Variants in MCU observed in about 807,000 individuals in gnomAD.
The protein encoded by MCU is calcium uniporter protein, mitochondrial.
Under a neutral mutation model 45.2 loss-of-function variants are expected in MCU, and 12 were observed. The observed-to-expected ratio is 0.27, with a 90% CI of 0.17 to 0.43. MCU has a LOEUF of 0.43. MCU is among the 20% of genes least tolerant of loss of function. The pLI, the probability that MCU is intolerant of heterozygous loss-of-function variation, is 1.00. For synonymous variants in MCU, 160 were observed against 165.1 expected, an observed-to-expected ratio of 0.97 and a Z score of 0.24; for missense variants, 324 against 436.7, an observed-to-expected ratio of 0.74 and a Z score of 2.30.
intron 1 of MCU, among the ~76,000 whole-genome samples, chr10:72,814,033 A>G (rs1844588183): frequency 1.3e-5 from 2 of 152,168 alleles, no homozygotes; most frequent in Non-Finnish European, 1.5e-5. Context: ...CCCCTAATCT[A>G]ACCTTCTGAA....
chr10:72,716,787 G>A (rs1405200383), intron 1 of MCU, among the ~76,000 whole-genome samples: 1 of 151,878 alleles, frequency 6.6e-6, no homozygotes, highest in Non-Finnish European at 1.5e-5. Context: ...TGAAAGGATC[G>A]CTTGAGCCCA....
chr10:72,843,671 T>C (rs185476488), intron 2 of MCU, among the ~76,000 whole-genome samples: 12 of 152,222 alleles, frequency 7.9e-5, no homozygotes, highest in Non-Finnish European at 1.6e-4. Context: ...ATACAGAGAA[T>C]TGTGGTTGGT....
At chr10:72,863,321 GT>G (rs1487881034) in intron 4 of MCU, among the ~76,000 whole-genome samples, 1 of 152,152 alleles carries the variant, frequency 6.6e-6, no homozygotes, top group Non-Finnish European at 1.5e-5. Context: ...CTGTGATTTT[GT>G]ATTCCCCATT....
intron 1 of MCU, among the ~76,000 whole-genome samples, chr10:72,741,208 C>T (rs1269430926): frequency 6.6e-6 from 1 of 151,438 alleles, no homozygotes; most frequent in African/African-American, 2.4e-5. Context: ...CAAGTGATTC[C>T]CCTGCCTCAG....
chr10:72,823,641 T>C (rs1328333338), intron 1 of MCU, among the ~76,000 whole-genome samples: 1 of 152,234 alleles, frequency 6.6e-6, no homozygotes, highest in African/African-American at 2.4e-5. Context: ...CACCTTGGCA[T>C]GGCTTTGTTA....
intron 6 of MCU, among the ~76,000 whole-genome samples, chr10:72,882,458 G>GA (rs1304202816): frequency 6.6e-6 from 1 of 152,168 alleles, no homozygotes; most frequent in Non-Finnish European, 1.5e-5. Flanking sequence ...ACATCCCTGA[G>GA]AAAGAGAATG....
intron 1 of MCU, among the ~76,000 whole-genome samples, chr10:72,713,318 T>C (rs112147070): frequency 0.019 from 2,883 of 152,312 alleles, 85 homozygotes; most frequent in African/African-American, 0.065. Context: ...TCACTCTTGT[T>C]CTCTAGGCTG....
intron 1 of MCU, among the ~76,000 whole-genome samples, chr10:72,758,852 G>C (rs1843614346): frequency 6.6e-6 from 1 of 152,060 alleles, no homozygotes; most frequent in Admixed American, 6.5e-5. Context: ...TTTTCTATTG[G>C]AAACACAATT....
At chr10:72,762,118 C>T (rs1450655740) in intron 1 of MCU, among the ~76,000 whole-genome samples, 1 of 151,996 alleles carries the variant, frequency 6.6e-6, no homozygotes, top group Non-Finnish European at 1.5e-5. Context: ...CATTTTATAA[C>T]CCTCTAAAAT....
intron 1 of MCU, among the ~76,000 whole-genome samples, chr10:72,720,844 C>T (rs1159682413): frequency 3.9e-5 from 6 of 152,088 alleles, no homozygotes; most frequent in East Asian, 1.9e-4. Context: ...AGATATGTAA[C>T]GTGCATCTAA....
chr10:72,692,363 CGGCGGGCAGGCCGCCGGGG>C (rs1223612041), intron 1 of MCU, 62 bp downstream of exon 1: 1 of 1,148,090 alleles, frequency 8.7e-7, no homozygotes, highest in African/African-American at 1.6e-5. Flanking sequence ...TGGGAGCCGC[CGGCGGGCAGGCCGCCGGGG>C]CAGCAGGCGA....
At chr10:72,775,560 C>CA (rs1217373941) in intron 1 of MCU, among the ~76,000 whole-genome samples, 4 of 151,504 alleles carry the variant, frequency 2.6e-5, no homozygotes, top group East Asian at 1.9e-4. Context: ...AAATCGAAAC[C>CA]AAAAAAACTC....
chr10:72,860,128 A>G (rs1316383688), intron 3 of MCU: 4 of 318,022 alleles, frequency 1.3e-5, no homozygotes, highest in Non-Finnish European at 2.4e-5. Context: ...TATTAAGCCC[A>G]TACAGCTGTC....
chr10:72,856,229 C>A (rs1370137813), intron 2 of MCU, among the ~76,000 whole-genome samples: 1 of 152,086 alleles, frequency 6.6e-6, no homozygotes, highest in African/African-American at 2.4e-5. Flanking sequence ...AAAATCAGAT[C>A]AATGGTTACC....
At chr10:72,706,626 T>C (rs112037281) in intron 1 of MCU, among the ~76,000 whole-genome samples, 16,033 of 150,060 alleles carry the variant, frequency 0.11, 2,807 homozygotes, top group African/African-American at 0.37. Flanking sequence ...CAACCTCCAC[T>C]TCCTGGGTTC....
chr10:72,833,629 T>C (rs917954972), intron 1 of MCU, among the ~76,000 whole-genome samples: 3 of 152,152 alleles, frequency 2.0e-5, no homozygotes, highest in African/African-American at 7.2e-5. Context: ...CTTTTTGGGG[T>C]TGGGAAAGTA....
intron 1 of MCU, among the ~76,000 whole-genome samples, chr10:72,798,405 C>A (rs548884790): frequency 3.9e-5 from 6 of 152,252 alleles, no homozygotes; most frequent in African/African-American, 1.4e-4. Flanking sequence ...AATTCTCCTG[C>A]CGCAGCCTAC....
chr10:72,870,074 A>G (rs1490247666), intron 5 of MCU, among the ~76,000 whole-genome samples: 1 of 152,160 alleles, frequency 6.6e-6, no homozygotes, highest in Non-Finnish European at 1.5e-5. Context: ...TTTTCTTTAC[A>G]CTTTTCTGAA....
At chr10:72,792,665 A>G (rs951292828) in intron 1 of MCU, among the ~76,000 whole-genome samples, 4 of 151,520 alleles carry the variant, frequency 2.6e-5, no homozygotes, top group Non-Finnish European at 4.4e-5. Flanking sequence ...ATTTATTTCT[A>G]TGCTTGCCCC....
Sources: allele counts gnomAD v4.1 joint callset (sites outside exome capture counted in the v4.1 genomes callset), GRCh38; gene constraint gnomAD v4.1.1; transcripts MANE v1.5; gene names NCBI Gene and HGNC (gene_info 2026-07-23, HGNC 2026-07-21).